Variants in SGCD observed in about 807,000 individuals in gnomAD.
The protein encoded by SGCD is sarcoglycan delta, also known as delta-sarcoglycan.
In SGCD, 18 loss-of-function variants were observed where a neutral mutation model predicts 36.6. The ratio of observed to expected loss-of-function variants is 0.49; its 90% CI spans 0.34 to 0.73. The LOEUF is 0.73. SGCD is among the 30% of genes least tolerant of loss of function. The probability of loss-of-function intolerance (pLI) is 0.01; values close to 1 mark genes in which losing one functional copy is unlikely to be tolerated. For synonymous variants in SGCD, 133 were observed against 130.6 expected, an observed-to-expected ratio of 1.02 and a Z score of -0.12; for missense variants, 387 against 346.7, an observed-to-expected ratio of 1.12 and a Z score of -0.92.
At chr5:155,926,875 G>A (rs888155315) in intron 1 of SGCD, among the ~76,000 whole-genome samples, 1 of 152,144 alleles carries the variant, frequency 6.6e-6, no homozygotes, top group East Asian at 1.9e-4. Flanking sequence ...ATCAAAAAAA[G>A]CAGCAGTTCT....
intron 8 of SGCD, 80 bp from the exon 9 acceptor site, chr5:156,759,137 A>G: frequency 9.0e-7 from 1 of 1,108,010 alleles, no homozygotes; most frequent in Non-Finnish European, 1.4e-6. Flanking sequence ...TGAATTGAAC[A>G]TTCACTTGCT....
At chr5:155,844,141 G>T in the SGCD span, among the ~76,000 whole-genome samples, 2,970 of 152,050 alleles carry the variant, frequency 0.02, 95 homozygotes, top group African/African-American at 0.069. Context: ...GCTTGTGAAG[G>T]CCTCACACTT....
chr5:156,421,865 G>C (rs1320299443), intron 3 of SGCD, among the ~76,000 whole-genome samples: 1 of 151,998 alleles, frequency 6.6e-6, no homozygotes, highest in African/African-American at 2.4e-5. Context: ...AGCCTTTACC[G>C]GGCATGGCAT....
chr5:155,838,224 T>C, the SGCD span, among the ~76,000 whole-genome samples: 2 of 152,206 alleles, frequency 1.3e-5, no homozygotes, highest in East Asian at 3.9e-4. Context: ...AATATTAACA[T>C]ATATTAATAT....
At chr5:156,611,137 G>A (rs1017366466) in intron 6 of SGCD, among the ~76,000 whole-genome samples, 6 of 152,162 alleles carry the variant, frequency 3.9e-5, no homozygotes, top group African/African-American at 7.2e-5. Context: ...CGCCACTCAC[G>A]CTGGGAGCTG....
At chr5:156,564,284 C>T (rs542370289) in intron 4 of SGCD, among the ~76,000 whole-genome samples, 2 of 152,172 alleles carry the variant, frequency 1.3e-5, no homozygotes, top group African/African-American at 4.8e-5. Context: ...CTCGTCTCTA[C>T]TAAAAATACA....
At chr5:156,045,317 C>T (rs986179887) in intron 1 of SGCD, among the ~76,000 whole-genome samples, 27 of 152,100 alleles carry the variant, frequency 1.8e-4, no homozygotes, top group Admixed American at 7.2e-4. Flanking sequence ...TATTTTACAG[C>T]GTAAGATAAT....
At chr5:156,740,015 C>T (rs1756587741) in intron 7 of SGCD, among the ~76,000 whole-genome samples, 1 of 152,214 alleles carries the variant, frequency 6.6e-6, no homozygotes, top group Admixed American at 6.5e-5. Context: ...CTCTGCAGTT[C>T]CTTTGAATCA....
At chr5:156,326,569 C>A (rs763959871), upstream of SGCD, among the ~76,000 whole-genome samples, 21 of 152,296 alleles carry the variant, frequency 1.4e-4, no homozygotes, top group Middle Eastern at 6.8e-3. Context: ...ATTGCTCCCC[C>A]TCAAGCAATT....
chr5:156,179,861 T>C (rs1186495271), intron 3 of SGCD, among the ~76,000 whole-genome samples: 1 of 152,140 alleles, frequency 6.6e-6, no homozygotes, highest in East Asian at 1.9e-4. Context: ...TCACCTCAAG[T>C]GATCTACCTG....
intron 3 of SGCD, among the ~76,000 whole-genome samples, chr5:156,155,903 C>A (rs1318050869): frequency 6.6e-6 from 1 of 151,712 alleles, no homozygotes; most frequent in African/African-American, 2.4e-5. Flanking sequence ...AGGCAGCACA[C>A]CTCTGAGATA....
chr5:155,966,283 C>A (rs571701959), intron 1 of SGCD, among the ~76,000 whole-genome samples: 13 of 152,062 alleles, frequency 8.5e-5, no homozygotes, highest in Non-Finnish European at 1.6e-4. Flanking sequence ...ACATAGGAAG[C>A]AAATTTTGAT....
At chr5:156,383,269 C>A (rs754758531) in intron 3 of SGCD, among the ~76,000 whole-genome samples, 1 of 151,946 alleles carries the variant, frequency 6.6e-6, no homozygotes, top group Non-Finnish European at 1.5e-5. Context: ...TTTGGGAGGC[C>A]GAGGCAGGCA....
At chr5:155,742,306 A>G in the SGCD span, among the ~76,000 whole-genome samples, 1 of 152,136 alleles carries the variant, frequency 6.6e-6, no homozygotes, top group Admixed American at 6.5e-5. Context: ...AATTGTATGC[A>G]CTTTTTTCCA....
intron 5 of SGCD, among the ~76,000 whole-genome samples, chr5:156,589,726 T>C (rs1449966607): frequency 6.6e-6 from 1 of 152,174 alleles, no homozygotes; most frequent in African/African-American, 2.4e-5. Context: ...TTATGGGCTG[T>C]GAAAGGGATT....
At position 156,056,645 on chromosome 5, in the gene SGCD, TAAAAA is replaced by T. The variant is rs561328077; in HGVS notation, c.-281-61217_-281-61213del. On this transcript the variant is annotated intron_variant, in intron 1 of 9. Transcript: ENST00000517913. ...GGTCCCCTACCTGCCAAATTATCCT[TAAAAA>T]AAAAAAAAAAAAAAACAGTCTCCAA... Among the ~76,000 whole-genome samples, 546 of 68,274 alleles carry T rather than the reference TAAAAA, an allele frequency of 8.0e-3. 26 individuals carry two copies. The highest frequency in any genetic ancestry group is 0.037 in the African/African-American group (525 of 14,060). 44.8% of individuals were successfully genotyped at this position (68,274 alleles called of 152,430 possible).
intron 1 of SGCD, among the ~76,000 whole-genome samples, chr5:156,070,956 T>A (rs1254221149): frequency 6.6e-6 from 1 of 152,202 alleles, no homozygotes; most frequent in Non-Finnish European, 1.5e-5. Context: ...TAATTTGTAT[T>A]TCTGTGGGAT....
chr5:156,367,561 T>C (rs1580881820), intron 3 of SGCD, among the ~76,000 whole-genome samples: 1 of 152,250 alleles, frequency 6.6e-6, no homozygotes, highest in African/African-American at 2.4e-5. Flanking sequence ...ATCAGTCATG[T>C]AGTTTTGCAA....
intron 6 of SGCD, among the ~76,000 whole-genome samples, chr5:156,612,879 A>G (rs1470875042): frequency 6.6e-6 from 1 of 152,166 alleles, no homozygotes; most frequent in East Asian, 1.9e-4. Flanking sequence ...CAACTGCATG[A>G]CTCAACTCCC....
Sources: gnomAD v4.1 joint callset for allele counts (sites outside exome capture counted in the v4.1 genomes callset) on GRCh38, gnomAD v4.1.1 for gene constraint, MANE v1.5 for transcripts, NCBI Gene and HGNC (gene_info 2026-07-23, HGNC 2026-07-21) for gene names.